Variants in RAPGEF6 observed in about 807,000 individuals in gnomAD.
RAPGEF6 encodes PDZ domain containing guanine nucleotide exchange factor (GEF) 2.
A neutral mutation model predicts 171.4 loss-of-function variants in RAPGEF6; 56 were observed. The ratio of observed to expected loss-of-function variants is 0.33; its 90% CI spans 0.26 to 0.41. The LOEUF is 0.41. Among genes scored for constraint, RAPGEF6 ranks in the 10% least tolerant of loss-of-function variants. The pLI, the probability that RAPGEF6 is intolerant of heterozygous loss-of-function variation, is 1.00. For synonymous variants in RAPGEF6, 692 were observed against 650.1 expected, an observed-to-expected ratio of 1.06 and a Z score of -0.98; for missense variants, 1,674 against 1,921.4, an observed-to-expected ratio of 0.87 and a Z score of 2.41.
chr5:131,466,170 G>C (rs1239358217), intron 17 of RAPGEF6, among the ~76,000 whole-genome samples: 2 of 151,822 alleles, frequency 1.3e-5, no homozygotes, highest in African/African-American at 4.8e-5. Context: ...TAATTCCAGG[G>C]ACAAGGAGTC....
chr5:131,581,591 A>G (rs2149992358), intron 4 of RAPGEF6, among the ~76,000 whole-genome samples: 1 of 152,194 alleles, frequency 6.6e-6, no homozygotes, highest in South Asian at 2.1e-4. Flanking sequence ...TCCAGCTCAA[A>G]GCAGCCCTGA....
intron 3 of RAPGEF6, among the ~76,000 whole-genome samples, chr5:131,595,288 C>T (rs911775730): frequency 0.015 from 1 of 66 alleles, no homozygotes; most frequent in African/African-American, 0.083. Flanking sequence ...CTCTCTCTGT[C>T]TCCTGCTCAC....
At chr5:131,634,895 T>C in intron 1 of RAPGEF6, 67 bp downstream of exon 1, 16 of 1,578,216 alleles carry the variant, frequency 1.0e-5, no homozygotes, top group Non-Finnish European at 1.4e-5. Flanking sequence ...TCGCCGCGGA[T>C]TTCGGACAGA....
intron 1 of RAPGEF6, among the ~76,000 whole-genome samples, chr5:131,610,083 C>T (rs1270813762): frequency 2.6e-5 from 4 of 152,180 alleles, no homozygotes; most frequent in Non-Finnish European, 4.4e-5. Context: ...AATGGAATGA[C>T]ACCTTTTAAT....
At chr5:131,572,104 A>AC (rs1762336023) in intron 4 of RAPGEF6, among the ~76,000 whole-genome samples, 2 of 152,170 alleles carry the variant, frequency 1.3e-5, no homozygotes, top group East Asian at 3.9e-4. Context: ...AAGTGAATAA[A>AC]CAGCTTTGTT....
intron 3 of RAPGEF6, among the ~76,000 whole-genome samples, chr5:131,593,081 G>C (rs1208239284): frequency 6.6e-6 from 1 of 152,096 alleles, no homozygotes; most frequent in Non-Finnish European, 1.5e-5. Context: ...ACAGAACACA[G>C]AGTCACTAGT....
chr5:131,528,031 T>A lies in RAPGEF6; in HGVS notation c.496-6510A>T, dbSNP rs762162317. On this transcript the variant is annotated intron_variant, in intron 6 of 27. Coordinates refer to ENST00000509018, the MANE Select transcript of RAPGEF6 (RefSeq NM_016340.6). Reference sequence around the variant, plus strand: ...CTCCGTGTCAAAAAATAATAATAATTATTATTATATATAATTATATATAAT... The same window carrying A: ...CTCCGTGTCAAAAAATAATAATAATAATTATTATATATAATTATATATAAT... Among the ~76,000 whole-genome samples the A allele has an allele frequency of 5.6e-3, 759 of 134,720 alleles. 4 individuals are homozygous for A. Among genetic ancestry groups the A allele is most frequent in the African/African-American group, 0.016 (550 of 34,672 alleles). The allele number at this position is 134,720 out of a possible 152,430, so 88.4% of individuals were successfully genotyped here. A position where few individuals can be genotyped will look rare whatever the true frequency, so the allele number is the denominator to read the frequency against.
chr5:131,461,890 G>A lies in RAPGEF6; in HGVS notation c.2679C>T (p.Ser893=). The change falls in exon 19 of 28, where the codon TCC becomes TCT. Residue 893 remains serine, a synonymous_variant. Transcript: ENST00000509018. ...TCTTCAAATGAGTATTTCCTGTTTT[G>A]GAATTTAACTTAAAAAGGTCATCGA... ...EYIDDLFKLN[S]KTGNTHLKRF... 6.2e-7 allele frequency: 1 copy of A among 1,613,960 alleles called. No individual in the cohort carries two copies. Among genetic ancestry groups the A allele is most frequent in the Non-Finnish European group, 8.5e-7 (1 of 1,179,954 alleles).
intron 7 of RAPGEF6, among the ~76,000 whole-genome samples, chr5:131,513,981 T>C (rs904444366): frequency 9.9e-5 from 15 of 152,114 alleles, no homozygotes; most frequent in African/African-American, 3.6e-4. Flanking sequence ...TGAGCCGAGA[T>C]CTTGCTGCTG....
intron 20 of RAPGEF6, among the ~76,000 whole-genome samples, 199 bp from the exon 21 acceptor site, chr5:131,453,376 T>C (rs903718499): frequency 6.6e-6 from 1 of 152,118 alleles, no homozygotes; most frequent in Non-Finnish European, 1.5e-5. Flanking sequence ...GTGTTCCATA[T>C]AGGAGTGATG....
chr5:131,582,899 T>C (rs1039652572), intron 4 of RAPGEF6, among the ~76,000 whole-genome samples: 10 of 152,214 alleles, frequency 6.6e-5, no homozygotes, highest in Non-Finnish European at 1.2e-4. Context: ...AGGTTAAACA[T>C]GCATCGACCA....
At chr5:131,506,677 G>C (rs1561519790) in intron 9 of RAPGEF6, among the ~76,000 whole-genome samples, 1 of 152,056 alleles carries the variant, frequency 6.6e-6, no homozygotes, top group African/African-American at 2.4e-5. Flanking sequence ...GGAAGACAGG[G>C]AGTGTATCTG....
intron 16 of RAPGEF6, among the ~76,000 whole-genome samples, chr5:131,477,540 C>T (rs907440282): frequency 6.6e-6 from 1 of 152,134 alleles, no homozygotes. Context: ...CTGTTCCTGG[C>T]GACCTCAGTT....
At chr5:131,451,647 T>C (rs1753081650) in intron 21 of RAPGEF6, among the ~76,000 whole-genome samples, 1 of 152,020 alleles carries the variant, frequency 6.6e-6, no homozygotes, top group African/African-American at 2.4e-5. Flanking sequence ...AAAAACCCAG[T>C]GTATCACTGG....
chr5:131,609,562 C>T (rs1031821636), intron 1 of RAPGEF6, among the ~76,000 whole-genome samples: 1 of 152,204 alleles, frequency 6.6e-6, no homozygotes. Flanking sequence ...CACAATGACA[C>T]TAGATAGAGG....
At chr5:131,448,368 A>T (rs1752853384) in intron 21 of RAPGEF6, among the ~76,000 whole-genome samples, 1 of 152,224 alleles carries the variant, frequency 6.6e-6, no homozygotes, top group Non-Finnish European at 1.5e-5. Flanking sequence ...TCACACTGTG[A>T]TAAAAATCCA....
intron 1 of RAPGEF6, among the ~76,000 whole-genome samples, chr5:131,614,052 T>C (rs1027851330): frequency 6.6e-6 from 1 of 151,978 alleles, no homozygotes; most frequent in Non-Finnish European, 1.5e-5. Flanking sequence ...GAGACTGTGG[T>C]GGGTGGATCA....
chr5:131,520,532 A>T lies in RAPGEF6; in HGVS notation c.627+858T>A, dbSNP rs903330236. Among the ~76,000 whole-genome samples, 3 of 152,212 alleles carry T rather than the reference A, an allele frequency of 2.0e-5. No homozygotes were observed. The South Asian group carries it at 6.2e-4, about 31-fold the overall frequency. Reference sequence around the variant, plus strand: ...ATTTAAAATTAAATACGTGGCTCACATTAAATTTCTATTTGACAGTTCTGA... The same window carrying T: ...ATTTAAAATTAAATACGTGGCTCACTTTAAATTTCTATTTGACAGTTCTGA... On this transcript the variant is annotated intron_variant, in intron 7 of 27. Transcript: ENST00000509018.
intron 17 of RAPGEF6, among the ~76,000 whole-genome samples, chr5:131,470,218 T>C (rs1015733482): frequency 3.3e-5 from 5 of 152,204 alleles, no homozygotes; most frequent in Non-Finnish European, 5.9e-5. Flanking sequence ...TATAAGCACA[T>C]GTTGCAGACT....
Sources: gnomAD v4.1 joint callset for allele counts (sites outside exome capture counted in the v4.1 genomes callset) on GRCh38, gnomAD v4.1.1 for gene constraint, MANE v1.5 for transcripts, NCBI Gene and HGNC (gene_info 2026-07-23, HGNC 2026-07-21) for gene names.